PRKCZ: variants seen among roughly 807,000 people sequenced by gnomAD.
PRKCZ encodes protein kinase C zeta.
PRKCZ carries 33 observed loss-of-function variants against 79.5 expected under a neutral mutation model. The ratio of observed to expected loss-of-function variants is 0.41; its 90% CI spans 0.31 to 0.55. The LOEUF (loss-of-function observed/expected upper bound fraction) is 0.55. Ranked by LOEUF, PRKCZ falls within the 20% of genes least tolerant of loss-of-function variation. The pLI is 0.19. For missense variants in PRKCZ, 578 were observed against 813.5 expected (o/e 0.71, Z 3.52); for synonymous variants, 342 against 320.9 (o/e 1.07, Z -0.70).
intron 4 of PRKCZ, chr1:2,071,635 A>G (rs1479865955): frequency 5.2e-6 from 1 of 192,738 alleles, no homozygotes; most frequent in Non-Finnish European, 1.1e-5. Flanking sequence ...GAGCCTGAAT[A>G]TCCTAGAGTT....
chr1:2,115,252 T>C (rs1042750832), intron 4 of PRKCZ, among the ~76,000 whole-genome samples: 15 of 152,266 alleles, frequency 9.9e-5, no homozygotes, highest in Non-Finnish European at 1.9e-4. Context: ...CTCTGCTGGC[T>C]GAATTCTCCA....
chr1:2,147,258 CATCT>C (rs755752586), intron 7 of PRKCZ, among the ~76,000 whole-genome samples: 4 of 150,940 alleles, frequency 2.7e-5, no homozygotes, highest in Admixed American at 6.6e-5. Flanking sequence ...TCCATCTATC[CATCT>C]GTCTGTTGTC....
chr1:2,099,798 G>A (rs1288981897), intron 4 of PRKCZ, among the ~76,000 whole-genome samples: 6 of 152,296 alleles, frequency 3.9e-5, no homozygotes, highest in East Asian at 1.9e-4. Context: ...CCTATTTCCC[G>A]TTCCAATTAA....
Position 2,127,596 on chromosome 1 carries a change from C to CCA in PRKCZ, c.335-7666_335-7665insCA, listed in dbSNP as rs1674192216. Among the ~76,000 whole-genome samples, 1 of 152,264 alleles carries CCA rather than the reference C, an allele frequency of 6.6e-6. No individual in the cohort carries two copies. The stretch of plus-strand genomic sequence containing the variant: ...AAGGACTTCTGTTCAGACAGCTCTG[C>CCA]TGGGAGCGTTCTGGCCTGAAATGCA... On this transcript the variant is annotated intron_variant, in intron 4 of 17. Transcript: ENST00000378567. This position sits in a 1 kb window ranked among gnomAD's most constrained non-coding sequence, Gnocchi z 5.1.
chr1:2,173,560 A>G lies in PRKCZ; in HGVS notation c.1286-337A>G, dbSNP rs751720772. 9.2e-5 allele frequency among the ~76,000 whole-genome samples: 14 copies of G among 152,250 alleles called. No individual in the cohort carries two copies. Among genetic ancestry groups the G allele is most frequent in the Admixed American group, 2.6e-4 (4 of 15,290 alleles). ...TTACTGCAGCGAAAGGGCTTCTTCA[A>G]GCTTAGTTCTGTAGAAGCAGAAACG... On this transcript the variant is annotated intron_variant, in intron 13 of 17. Transcript: ENST00000378567. This position sits in a 1 kb window ranked among gnomAD's most constrained non-coding sequence, Gnocchi z 5.7.
intron 3 of PRKCZ, 111 bp from the exon 4 acceptor site, chr1:2,059,430 G>A (rs910822701): frequency 3.0e-5 from 40 of 1,313,678 alleles, no homozygotes; most frequent in African/African-American, 2.8e-4. Context: ...TGCCACGTGC[G>A]CCTTGCGTGA....
chr1:2,073,550 G>C (rs1571168373), intron 4 of PRKCZ: 2 of 876,306 alleles, frequency 2.3e-6, no homozygotes, highest in Non-Finnish European at 2.7e-6. Context: ...AGCCCTGCCT[G>C]GGTCTGGCTG....
At chr1:2,108,892 C>T (rs1026838269) in intron 4 of PRKCZ, among the ~76,000 whole-genome samples, 3 of 152,228 alleles carry the variant, frequency 2.0e-5, no homozygotes, top group Non-Finnish European at 4.4e-5. Flanking sequence ...AGTCAAGGCA[C>T]CAGCTGGGTG....
intron 4 of PRKCZ, among the ~76,000 whole-genome samples, chr1:2,069,094 C>T (rs774154971): frequency 2.3e-4 from 35 of 152,352 alleles, no homozygotes; most frequent in African/African-American, 6.3e-4. Flanking sequence ...GAACGGCGTC[C>T]GTTCTGCAGT....
intron 4 of PRKCZ, among the ~76,000 whole-genome samples, chr1:2,118,713 C>CTGTGTG (rs770283606): frequency 0.23 from 28,103 of 120,196 alleles, 3,537 homozygotes; most frequent in Admixed American, 0.28. Flanking sequence ...CACACCAGCT[C>CTGTGTG]TGTGTGTGTG....
intron 16 of PRKCZ, among the ~76,000 whole-genome samples, chr1:2,180,434 G>A (rs1298943268): frequency 6.6e-6 from 1 of 152,010 alleles, no homozygotes; most frequent in Non-Finnish European, 1.5e-5. Flanking sequence ...ACACACGGAT[G>A]ACTCATCCAC....
intron 4 of PRKCZ, among the ~76,000 whole-genome samples, chr1:2,079,862 G>T (rs146271282): frequency 6.6e-6 from 1 of 152,156 alleles, no homozygotes; most frequent in African/African-American, 2.4e-5. Context: ...TGGTGGTGGC[G>T]GAAGTCCCCA....
rs773741701 is a variant in PRKCZ, at chr1:2,172,088, C to T, written c.1095C>T (p.Asn365=). The T allele has an allele frequency of 2.5e-6, 4 of 1,613,058 alleles. No homozygotes were observed. Among genetic ancestry groups the T allele is most frequent in the Non-Finnish European group, 3.4e-6 (4 of 1,179,758 alleles). The change falls in exon 12 of 18, where the codon AAC becomes AAT. Residue 365 remains asparagine, a synonymous_variant. Transcript: ENST00000378567. The surrounding 1 kb of genome is among the most constrained non-coding windows in gnomAD (Gnocchi z 7.8). ...CGGCCGAGATCTGCATCGCCCTCAA[C>T]TTCCTGCACGAGAGGGGGATCATCT... The part of the protein sequence containing the change: ...FYAAEICIAL[N]FLHERGIIYR...
Position 2,172,262 on chromosome 1 carries a change from G to A in PRKCZ, c.1198-39G>A. On this transcript the variant is annotated intron_variant, in intron 12 of 17. Transcript: ENST00000378567. The surrounding 1 kb of genome is among the most constrained non-coding windows in gnomAD (Gnocchi z 7.8). ...CGGGGCGCCTGTCCCGCGGGGTAGTGTCTACAAGAACCCTCTCCCAGTAAC... is the reference window on the plus strand; with the variant it reads ...CGGGGCGCCTGTCCCGCGGGGTAGTATCTACAAGAACCCTCTCCCAGTAAC... 6.2e-7 allele frequency: 1 copy of A among 1,613,510 alleles called. No individual in the cohort carries two copies. The highest frequency in any genetic ancestry group is 8.5e-7 in the Non-Finnish European group (1 of 1,180,008).
rs565626033 is a variant in PRKCZ, at chr1:2,089,029, G to A, written c.334+29438G>A. On this transcript the variant is annotated intron_variant, in intron 4 of 17. Coordinates refer to ENST00000378567, the MANE Select transcript of PRKCZ (RefSeq NM_002744.6). Reference sequence around the variant, plus strand: ...TTTTTATAGAAAATACTAGTGATACGAGGTTAGAATCCCTCCCTGTCATCA... The same window carrying A: ...TTTTTATAGAAAATACTAGTGATACAAGGTTAGAATCCCTCCCTGTCATCA... 3.3e-5 allele frequency among the ~76,000 whole-genome samples: 5 copies of A among 152,256 alleles called. No individual in the cohort carries two copies. In the South Asian group the frequency reaches 8.3e-4, roughly 25 times the overall value.
Position 2,050,665 on chromosome 1 carries a change from G to T in PRKCZ, c.35G>T (p.Ser12Ile). ...AGGACCGGCCCCAAGATGGAAGGGAGCGGCGGCCGCGTCCGCCTCAAGGCG... is the reference window on the plus strand; with the variant it reads ...AGGACCGGCCCCAAGATGGAAGGGATCGGCGGCCGCGTCCGCCTCAAGGCG... Reference protein sequence around the residue: ...PSRTGPKMEGSGGRVRLKAHY... With the variant: ...PSRTGPKMEGIGGRVRLKAHY... Residue 12 changes from serine to isoleucine, a missense_variant, in exon 1 of 18, where the codon AGC (serine) becomes ATC (isoleucine). By Grantham distance (142) the Ser-to-Ile change is moderately radical. Around this residue, in one of 4 missense-constraint regions of PRKCZ, gnomAD observed 228 missense variants for 211.6 expected, o/e 1.08. Transcript: ENST00000378567. 8.1e-7 allele frequency: 1 copy of T among 1,227,692 alleles called. No individual in the cohort carries two copies. Among genetic ancestry groups the T allele is most frequent in the East Asian group, 3.2e-5 (1 of 31,532 alleles). The allele number at this position is 1,227,692 out of a possible 1,614,324, so 76.0% of individuals were successfully genotyped here.
At chr1:2,142,081 GCGCC>G (rs1677451997) in intron 5 of PRKCZ, 1 of 81,764 alleles carries the variant, frequency 1.2e-5, no homozygotes, top group Non-Finnish European at 2.4e-5. Context: ...AGCAGCCGAA[GCGCC>G]TCCTTTCACT....
Position 2,094,568 on chromosome 1 carries a change from TGGGCGCTGCCCGTTCTGAGGCGCCCG to T in PRKCZ, c.334+34978_334+35003del, listed in dbSNP as rs1666109076. 8.8e-6 allele frequency among the ~76,000 whole-genome samples: 1 copy of T among 113,610 alleles called. No homozygotes were observed. Among genetic ancestry groups the T allele is most frequent in the Admixed American group, 8.2e-5 (1 of 12,228 alleles). 74.5% of individuals were successfully genotyped at this position (113,610 alleles called of 152,430 possible). ...CCTCTGTGCCCGGCTCGATGAACCTTGGGCGCTGCCCGTTCTGAGGCGCCCGCTGTGCCCGGCTCGATGAACCTTGG... is the reference window on the plus strand; with the variant it reads ...CCTCTGTGCCCGGCTCGATGAACCTTCTGTGCCCGGCTCGATGAACCTTGG... On this transcript the variant is annotated intron_variant, in intron 4 of 17. Coordinates refer to ENST00000378567, the MANE Select transcript of PRKCZ (RefSeq NM_002744.6). The surrounding 1 kb of genome is among the most constrained non-coding windows in gnomAD (Gnocchi z 7.3).
intron 4 of PRKCZ, among the ~76,000 whole-genome samples, chr1:2,121,757 CACGGCG>C (rs1460704986): frequency 6.9e-5 from 4 of 57,712 alleles, no homozygotes; most frequent in Non-Finnish European, 9.0e-5. Flanking sequence ...TGGTTAGGGT[CACGGCG>C]GTGGTTAGGG....
Sources: allele counts gnomAD v4.1 joint callset (sites outside exome capture counted in the v4.1 genomes callset), GRCh38; gene constraint gnomAD v4.1.1; regional missense constraint gnomAD v4.1.1; non-coding constraint Gnocchi (gnomAD v3.1); transcripts MANE v1.5; gene names NCBI Gene and HGNC (gene_info 2026-07-23, HGNC 2026-07-21).